The following C12orf71 variants were observed in gnomAD, a reference collection of about 807,000 sequenced individuals.
The protein encoded by C12orf71 is chromosome 12 open reading frame 71, also known as uncharacterized protein C12orf71.
C12orf71 carries 10 observed loss-of-function variants against 11.7 expected under a neutral mutation model. That is an observed-to-expected ratio of 0.86 (90% confidence interval 0.53 to 1.45). The LOEUF is 1.45. Among genes scored for constraint, C12orf71 ranks in the 40% most tolerant of loss-of-function variants. C12orf71 has a pLI of 0.00. For missense variants in C12orf71, 293 were observed against 325.8 expected (o/e 0.90, Z 0.78); for synonymous variants, 110 against 123.4 (o/e 0.89, Z 0.72).
Position 27,082,104 on chromosome 12 carries a change from G to A in C12orf71, c.380C>T (p.Ser127Phe). The change falls in exon 1 of 2, where the codon TCT (serine) becomes TTT (phenylalanine). Residue 127 changes from serine to phenylalanine, a missense_variant. Ser to Phe is a radical substitution (Grantham distance 155, BLOSUM62 -2). Transcript: ENST00000429849. ...CACAAGATTATTCAGTTTGCCAACAGACAGTTTTGTTCTCTCTTTTGGTAA... is the reference window on the plus strand; with the variant it reads ...CACAAGATTATTCAGTTTGCCAACAAACAGTTTTGTTCTCTCTTTTGGTAA... ...DKLPKERTKL[S>F]VGKLNNLVQE... The A allele has an allele frequency of 1.9e-6, 3 of 1,612,606 alleles. No individual in the cohort carries two copies. Among genetic ancestry groups the A allele is most frequent in the Non-Finnish European group, 2.5e-6 (3 of 1,179,156 alleles).
At chr12:27,082,732 C>T (rs1007497533), upstream of C12orf71, among the ~76,000 whole-genome samples, 4 of 151,882 alleles carry the variant, frequency 2.6e-5, no homozygotes, top group African/African-American at 9.7e-5. Context: ...CACACGCCAC[C>T]ACACCTGGCT....
rs1176475025 is a variant in C12orf71, at chr12:27,082,318, G to C, written c.166C>G (p.Pro56Ala). Residue 56 changes from proline to alanine, a missense_variant, in exon 1 of 2, where the codon CCC (proline) becomes GCC (alanine). Coordinates refer to ENST00000429849, the MANE Select transcript of C12orf71 (RefSeq NM_001080406.2). ...TCAGTCCCCCATGCCCCTTGGACGGGAGGCAGAAAGTGGATGGAAGGACCC... is the reference window on the plus strand; with the variant it reads ...TCAGTCCCCCATGCCCCTTGGACGGCAGGCAGAAAGTGGATGGAAGGACCC... Reference protein sequence around the residue: ...SKGPSIHFLPPVQGAWGTERI... With the variant: ...SKGPSIHFLPAVQGAWGTERI... The C allele has an allele frequency of 1.2e-6, 2 of 1,600,686 alleles. No homozygotes were observed.
At chr12:27,083,469 T>G (rs1941953681), upstream of C12orf71, among the ~76,000 whole-genome samples, 1 of 152,240 alleles carries the variant, frequency 6.6e-6, no homozygotes, top group African/African-American at 2.4e-5. Context: ...TAGTCCTACC[T>G]TCTAAAGATA....
In C12orf71 at chr12:27,082,393, C is replaced by T; in HGVS notation, c.91G>A (p.Glu31Lys). 6.4e-7 allele frequency: 1 copy of T among 1,566,628 alleles called. No homozygotes were observed. Among genetic ancestry groups the T allele is most frequent in the Non-Finnish European group, 8.6e-7 (1 of 1,160,354 alleles). ...LSLSVGYFPC[E>K]DTPCEDTTSW... ...GTTGTGTCCTCACAGGGGGTGTCCT[C>T]ACAGGGGAAATAGCCCACAGAGAGG... Residue 31 changes from glutamate to lysine, a missense_variant, in exon 1 of 2, where the codon GAG becomes AAG. Glu to Lys is a moderately conservative substitution (Grantham distance 56, BLOSUM62 1). Transcript: ENST00000429849.
Position 27,081,340 on chromosome 12 carries a change from C to T in C12orf71, c.644G>A (p.Trp215Ter), listed in dbSNP as rs1239869552. ...ACGCTGCCTCAGCCAGCTGAAGGCC[C>T]ACCCAAAGTTCAGGCAGCACTGGGC... The part of the protein sequence containing the change: ...TQAQCCLNFG[W>*]AFSWLRQRIL... The change falls in exon 2 of 2, where the codon TGG becomes TAG. Residue 215 changes from tryptophan (W) to a stop codon, truncating the protein, a stop_gained. Transcript: ENST00000429849. LOFTEE classifies it low-confidence loss of function (END_TRUNC). 6.2e-7 allele frequency: 1 copy of T among 1,613,940 alleles called. No homozygotes were observed. The highest frequency in any genetic ancestry group is 1.1e-5 in the South Asian group (1 of 91,076).
chr12:27,081,220 T>C lies in C12orf71; in HGVS notation c.764A>G (p.Lys255Arg). 6.2e-7 allele frequency: 1 copy of C among 1,613,912 alleles called. No homozygotes were observed. Among genetic ancestry groups the C allele is most frequent in the Non-Finnish European group, 8.5e-7 (1 of 1,179,794 alleles). Residue 255 changes from lysine (K) to arginine (R), a missense_variant, in exon 2 of 2, where the codon AAG becomes AGG. Coordinates refer to ENST00000429849, the MANE Select transcript of C12orf71 (RefSeq NM_001080406.2). ...APTKRLFHRG[K>R]RIQPQETLEL... ...AAGGGTTTCTTGAGGTTGAATTCTCTTGCCTCTGTGAAAGAGTCTTTTCGT... is the reference window on the plus strand; with the variant it reads ...AAGGGTTTCTTGAGGTTGAATTCTCCTGCCTCTGTGAAAGAGTCTTTTCGT...
rs760080621 is a variant in C12orf71 at position 27,081,312 on chromosome 12, G to T, written c.672C>A (p.Ile224=). The T allele has an allele frequency of 5.0e-6, 8 of 1,613,850 alleles. No individual in the cohort carries two copies. In the South Asian group the frequency reaches 7.7e-5, roughly 16 times the overall value. ...GWAFSWLRQR[I]LPSLLRRDHP... Reference sequence around the variant, plus strand: ...GATCCCTCCTCAGCAGAGAGGGGAGGATACGCTGCCTCAGCCAGCTGAAGG... The same window carrying T: ...GATCCCTCCTCAGCAGAGAGGGGAGTATACGCTGCCTCAGCCAGCTGAAGG... The change falls in exon 2 of 2, where the codon ATC becomes ATA. Residue 224 remains isoleucine, a synonymous_variant. Coordinates refer to ENST00000429849, the MANE Select transcript of C12orf71 (RefSeq NM_001080406.2).
intron 1 of C12orf71, 148 bp from the exon 2 acceptor site, chr12:27,081,615 T>A: frequency 2.5e-6 from 2 of 792,742 alleles, no homozygotes; most frequent in Non-Finnish European, 4.0e-6. Flanking sequence ...ACTAAACATA[T>A]ACGTTTTTGG....
At chr12:27,081,786 AT>A (rs1941935004) in intron 1 of C12orf71, 181 bp downstream of exon 1, 6 of 756,820 alleles carry the variant, frequency 7.9e-6, no homozygotes, top group East Asian at 5.3e-5. Flanking sequence ...CCTAGTGGTC[AT>A]AAGATTCTGT....
Position 27,082,504 on chromosome 12 carries a change from T to C in C12orf71, c.-21A>G, listed in dbSNP as rs1189823799. 6.9e-6 allele frequency: 10 copies of C among 1,444,064 alleles called. No individual in the cohort carries two copies. The highest frequency in any genetic ancestry group is 9.1e-6 in the Non-Finnish European group (10 of 1,097,290). The allele number at this position is 1,444,064 out of a possible 1,614,324, so 89.5% of individuals were successfully genotyped here. A position where few individuals can be genotyped will look rare whatever the true frequency, so the allele number is the denominator to read the frequency against. Reference sequence around the variant, plus strand: ...GCCATGGAGTTCAAAGGCACAAATTTCTCTCAACTTGAGAAGCTTCAAAAA... The same window carrying C: ...GCCATGGAGTTCAAAGGCACAAATTCCTCTCAACTTGAGAAGCTTCAAAAA... On this transcript the variant is annotated 5_prime_UTR_variant, in exon 1 of 2. Coordinates refer to ENST00000429849, the MANE Select transcript of C12orf71 (RefSeq NM_001080406.2).
rs761793887 is a variant in C12orf71 at position 27,081,304 on chromosome 12, G to C, written c.680C>G (p.Ser227Cys). Reference sequence around the variant, plus strand: ...CACAGGGTGATCCCTCCTCAGCAGAGAGGGGAGGATACGCTGCCTCAGCCA... The same window carrying C: ...CACAGGGTGATCCCTCCTCAGCAGACAGGGGAGGATACGCTGCCTCAGCCA... The part of the protein sequence containing the change: ...FSWLRQRILP[S>C]LLRRDHPVNA... The change falls in exon 2 of 2, where the codon TCT becomes TGT. Residue 227 changes from serine (S) to cysteine (C), a missense_variant. Physicochemically the swap from Ser to Cys is moderately radical, Grantham distance 112 (BLOSUM62 -1). Coordinates refer to ENST00000429849, the MANE Select transcript of C12orf71 (RefSeq NM_001080406.2). The C allele has an allele frequency of 6.2e-7, 1 of 1,614,010 alleles. No homozygotes were observed. Among genetic ancestry groups the C allele is most frequent in the Non-Finnish European group, 8.5e-7 (1 of 1,179,904 alleles).
In C12orf71 at chr12:27,081,339, C is replaced by A. The variant is rs1378342463; in HGVS notation, c.645G>T (p.Trp215Cys). The change falls in exon 2 of 2, where the codon TGG (tryptophan) becomes TGT (cysteine). Residue 215 changes from tryptophan to cysteine, a missense_variant. Coordinates refer to ENST00000429849, the MANE Select transcript of C12orf71 (RefSeq NM_001080406.2). ...TQAQCCLNFG[W>C]AFSWLRQRIL... ...TACGCTGCCTCAGCCAGCTGAAGGCCCACCCAAAGTTCAGGCAGCACTGGG... is the reference window on the plus strand; with the variant it reads ...TACGCTGCCTCAGCCAGCTGAAGGCACACCCAAAGTTCAGGCAGCACTGGG... 3 of 1,613,802 alleles carry A rather than the reference C, an allele frequency of 1.9e-6. No individual in the cohort carries two copies. In the Admixed American group the frequency reaches 5.0e-5, roughly 27 times the overall value.
In C12orf71 at chr12:27,081,181, G is replaced by A; in HGVS notation, c.803C>T (p.Pro268Leu). The A allele has an allele frequency of 6.2e-7, 1 of 1,609,056 alleles. No individual in the cohort carries two copies. Among genetic ancestry groups the A allele is most frequent in the Non-Finnish European group, 8.5e-7 (1 of 1,176,510 alleles). The change falls in exon 2 of 2, where the codon CCC (proline) becomes CTC (leucine). Residue 268 changes from proline to leucine, a missense_variant. Transcript: ENST00000429849. The part of the protein sequence containing the change: ...QPQETLELGH[P>L]I ...AAAAGTTTAAAAATCTGTCTATATG[G>A]GATGTCCTAATTCAAGGGTTTCTTG...
Position 27,081,255 on chromosome 12 carries a change from C to A in C12orf71, c.729G>T (p.Arg243=), listed in dbSNP as rs779317244. Residue 243 remains arginine, a synonymous_variant, in exon 2 of 2, where the codon CGG becomes CGT. Transcript: ENST00000429849. ...HPVNATKSPH[R]SAPTKRLFHR... ...GAAAGAGTCTTTTCGTTGGTGCTGA[C>A]CGATGGGGACTTTTGGTGGCATTCA... 1 of 1,613,956 alleles carries A rather than the reference C, an allele frequency of 6.2e-7. No individual in the cohort carries two copies. The highest frequency in any genetic ancestry group is 1.7e-5 in the Admixed American group (1 of 60,024).
Position 27,081,179 on chromosome 12 carries a change from T to C in C12orf71, c.805A>G (p.Ile269Val). ...CAAAAAGTTTAAAAATCTGTCTATA[T>C]GGGATGTCCTAATTCAAGGGTTTCT... ...PQETLELGHP[I>V] Residue 269 changes from isoleucine (I) to valine (V), a missense_variant, in exon 2 of 2, where the codon ATA (isoleucine) becomes GTA (valine). Physicochemically the swap from Ile to Val is conservative, Grantham distance 29. Transcript: ENST00000429849. 3 of 1,608,100 alleles carry C rather than the reference T, an allele frequency of 1.9e-6. No homozygotes were observed. Among genetic ancestry groups the C allele is most frequent in the Non-Finnish European group, 2.6e-6 (3 of 1,175,832 alleles).
rs1941927908 is a variant in C12orf71, at chr12:27,081,122, G to A, written c.*52C>T. 2.2e-6 allele frequency: 3 copies of A among 1,370,416 alleles called. No homozygotes were observed. In the Admixed American group the frequency reaches 6.6e-5, roughly 30 times the overall value. 84.9% of individuals were successfully genotyped at this position (1,370,416 alleles called of 1,614,324 possible). The stretch of plus-strand genomic sequence containing the variant: ...AAACAAACTGATGGGGATTATTAAT[G>A]GAATCCTTATTATGGATTATTTTAA... On this transcript the variant is annotated 3_prime_UTR_variant, in exon 2 of 2. Transcript: ENST00000429849.
chr12:27,082,614 C>CTTT (rs138774709), upstream of C12orf71: 94 of 524,230 alleles, frequency 1.8e-4, no homozygotes, highest in Middle Eastern at 4.7e-4. Context: ...TCTCTTTTTT[C>CTTT]TTTTTTTTTT....
upstream of C12orf71, among the ~76,000 whole-genome samples, chr12:27,083,822 C>A (rs1056872744): frequency 2.6e-5 from 4 of 152,166 alleles, no homozygotes; most frequent in African/African-American, 9.7e-5. Flanking sequence ...TAGTTGATAC[C>A]AAATTACTTT....
In C12orf71 at chr12:27,081,134, A is replaced by G. The variant is rs1174198500; in HGVS notation, c.*40T>C. The G allele has an allele frequency of 1.4e-6, 2 of 1,463,136 alleles. No individual in the cohort carries two copies. The highest frequency in any genetic ancestry group is 1.3e-5 in the South Asian group (1 of 77,180). The allele number at this position is 1,463,136 out of a possible 1,614,324, so 90.6% of individuals were successfully genotyped here. A position where few individuals can be genotyped will look rare whatever the true frequency, so the allele number is the denominator to read the frequency against. ...GGGGATTATTAATGGAATCCTTATTATGGATTATTTTAAACTTTCCAAAAA... is the reference window on the plus strand; with the variant it reads ...GGGGATTATTAATGGAATCCTTATTGTGGATTATTTTAAACTTTCCAAAAA... On this transcript the variant is annotated 3_prime_UTR_variant, in exon 2 of 2. Coordinates refer to ENST00000429849, the MANE Select transcript of C12orf71 (RefSeq NM_001080406.2).
Sources: allele counts gnomAD v4.1 joint callset (sites outside exome capture counted in the v4.1 genomes callset), GRCh38; gene constraint gnomAD v4.1.1; transcripts MANE v1.5; gene names NCBI Gene and HGNC (gene_info 2026-07-23, HGNC 2026-07-21).